Variants in EYS observed in about 807,000 individuals in gnomAD.
EYS encodes the protein EGF-like photoreceptor maintenance factor, also known as protein eyes shut homolog.
In EYS, 250 loss-of-function variants were observed where a neutral mutation model predicts 282.1. The observed-to-expected ratio is 0.89, with a 90% CI of 0.80 to 0.98. The LOEUF (loss-of-function observed/expected upper bound fraction) is 0.98, where lower values mean the gene tolerates loss of function less well. Among genes scored for constraint, EYS ranks in the 50% least tolerant of loss-of-function variants. EYS has a pLI of 0.00. For synonymous variants in EYS, 1,355 were observed against 1,282.9 expected (o/e 1.06, Z -1.20); for missense variants, 4,016 against 3,709.0 (o/e 1.08, Z -2.15).
intron 22 of EYS, among the ~76,000 whole-genome samples, chr6:64,721,172 G>A (rs1771566738): frequency 1.3e-5 from 2 of 152,144 alleles, no homozygotes; most frequent in South Asian, 2.1e-4. Flanking sequence ...CTGTCTTTAT[G>A]GAGCTCACAA....
At chr6:63,871,776 G>A (rs1166617563) in intron 35 of EYS, among the ~76,000 whole-genome samples, 1 of 152,162 alleles carries the variant, frequency 6.6e-6, no homozygotes, top group Non-Finnish European at 1.5e-5. Flanking sequence ...TGCCAACTGG[G>A]GGGATGTTAA....
At chr6:65,229,158 A>G (rs1287827015) in intron 12 of EYS, among the ~76,000 whole-genome samples, 1 of 152,074 alleles carries the variant, frequency 6.6e-6, no homozygotes, top group Non-Finnish European at 1.5e-5. Flanking sequence ...TAAAAAGAAA[A>G]GAATGCTTCA....
In EYS at chr6:65,691,032, A is replaced by G. The variant is rs561665392; in HGVS notation, c.-448+16103T>C. On this transcript the variant is annotated intron_variant, in intron 1 of 42. Transcript: ENST00000503581. ...AGTCTTTGCTATTGTGAATAGTGCT[A>G]CAATAAACATACATGTGCATGTGTC... is the stretch of plus-strand genomic sequence containing the variant. Among the ~76,000 whole-genome samples the G allele has an allele frequency of 2.5e-4, 37 of 150,366 alleles. 2 individuals carry two copies. The highest frequency in any genetic ancestry group is 4.6e-4 in the Non-Finnish European group (31 of 67,678).
chr6:64,577,454 T>C (rs151029431), intron 26 of EYS, among the ~76,000 whole-genome samples: 54 of 151,990 alleles, frequency 3.6e-4, no homozygotes, highest in African/African-American at 1.3e-3. Context: ...GTCTTTCCAC[T>C]CCATTTTGAC....
At chr6:64,127,467 C>T (rs559939368) in intron 31 of EYS, among the ~76,000 whole-genome samples, 1 of 152,030 alleles carries the variant, frequency 6.6e-6, no homozygotes, top group Non-Finnish European at 1.5e-5. Flanking sequence ...TTATTGCTGT[C>T]TAATATTAAC....
chr6:64,057,651 TG>T (rs1472796779), intron 33 of EYS, among the ~76,000 whole-genome samples: 3 of 152,196 alleles, frequency 2.0e-5, no homozygotes, highest in African/African-American at 4.8e-5. Context: ...ACAAGTATGC[TG>T]TTTGTCTGTT....
At chr6:65,029,632 G>A (rs1272564004) in intron 13 of EYS, among the ~76,000 whole-genome samples, 8 of 151,666 alleles carry the variant, frequency 5.3e-5, no homozygotes, top group African/African-American at 1.7e-4. Context: ...CTCCTCCTCC[G>A]AGGTCTATTC....
At chr6:65,644,068 G>T (rs1320048280) in intron 1 of EYS, among the ~76,000 whole-genome samples, 1 of 152,010 alleles carries the variant, frequency 6.6e-6, no homozygotes, top group African/African-American at 2.4e-5. Flanking sequence ...TCCAAACCAA[G>T]ATGAAATCTC....
chr6:64,729,646 G>A lies in EYS; in HGVS notation c.3443+83732C>T, dbSNP rs186857035. 3.9e-5 allele frequency among the ~76,000 whole-genome samples: 6 copies of A among 152,240 alleles called. No homozygotes were observed. In the East Asian group the frequency reaches 1.2e-3, roughly 29 times the overall value. On this transcript the variant is annotated intron_variant, in intron 22 of 42. Transcript: ENST00000503581. ...ATGGATGCTTATTGGCAAGCAGGTT[G>A]GTAAGTAGTTTGGTATAAAAGTAAT...
At chr6:63,797,098 C>T (rs753735575) in intron 37 of EYS, 6 of 152,106 alleles carry the variant, frequency 3.9e-5, no homozygotes, top group Admixed American at 6.6e-5. Flanking sequence ...AAGAAGGAAA[C>T]GATCTTTTGA....
At chr6:65,031,254 G>A (rs1249319850) in intron 13 of EYS, among the ~76,000 whole-genome samples, 4 of 151,404 alleles carry the variant, frequency 2.6e-5, no homozygotes, top group Non-Finnish European at 4.4e-5. Flanking sequence ...GATCTATGAA[G>A]AGACTTTATA....
chr6:65,359,094 C>T lies in EYS; in HGVS notation c.1300-5477G>A, dbSNP rs114611855. ...TGAACTGACTTTGAACCTCAATAAG[C>T]TTGTGAGAGGAGTAATTCTGGTAAG... is the stretch of plus-strand genomic sequence containing the variant. On this transcript the variant is annotated intron_variant, in intron 8 of 42. Transcript: ENST00000503581. 8.1e-3 allele frequency among the ~76,000 whole-genome samples: 1,232 copies of T among 152,016 alleles called. 12 individuals carry two copies. The highest frequency in any genetic ancestry group is 0.012 in the Non-Finnish European group (848 of 67,898).
intron 5 of EYS, among the ~76,000 whole-genome samples, chr6:65,437,747 G>A (rs1301776057): frequency 3.3e-5 from 5 of 152,040 alleles, no homozygotes; most frequent in Non-Finnish European, 7.4e-5. Context: ...TAGAGATTTT[G>A]ATATCTCCTT....
chr6:63,920,341 G>A (rs140964293), intron 35 of EYS, among the ~76,000 whole-genome samples: 2 of 152,056 alleles, frequency 1.3e-5, no homozygotes, highest in African/African-American at 4.8e-5. Context: ...TTAGTGAGAG[G>A]CACCAGCAAG....
chr6:65,499,754 A>C (rs1263397887), intron 2 of EYS, among the ~76,000 whole-genome samples: 1 of 151,992 alleles, frequency 6.6e-6, no homozygotes, highest in Non-Finnish European at 1.5e-5. Flanking sequence ...TAGCAAGGAT[A>C]CTAGAAAAGG....
chr6:64,926,985 AAAG>A (rs1768538908), intron 15 of EYS, among the ~76,000 whole-genome samples: 1 of 152,196 alleles, frequency 6.6e-6, no homozygotes, highest in Non-Finnish European at 1.5e-5. Flanking sequence ...TTCTGAAGTC[AAAG>A]AAGAATTTTA....
intron 16 of EYS, among the ~76,000 whole-genome samples, chr6:64,911,608 G>C (rs1767992735): frequency 6.6e-6 from 1 of 152,106 alleles, no homozygotes; most frequent in Non-Finnish European, 1.5e-5. Context: ...GTGAGAGGCA[G>C]GAAAACATGA....
chr6:63,898,036 T>G (rs1391212897), intron 35 of EYS, among the ~76,000 whole-genome samples: 1 of 152,152 alleles, frequency 6.6e-6, no homozygotes, highest in African/African-American at 2.4e-5. Context: ...AATCTTGAGT[T>G]TAGGAGACTT....
At chr6:65,221,228 A>T (rs1278799950) in intron 12 of EYS, among the ~76,000 whole-genome samples, 2 of 152,192 alleles carry the variant, frequency 1.3e-5, no homozygotes, top group African/African-American at 4.8e-5. Context: ...AGTAATGAGG[A>T]GCCAAATGTT....
Sources: allele counts gnomAD v4.1 joint callset (sites outside exome capture counted in the v4.1 genomes callset), GRCh38; gene constraint gnomAD v4.1.1; transcripts MANE v1.5; gene names NCBI Gene and HGNC (gene_info 2026-07-23, HGNC 2026-07-21).